SETX: variants seen among roughly 807,000 people sequenced by gnomAD.
SETX encodes senataxin.
In SETX, 90 loss-of-function variants were observed where a neutral mutation model predicts 227.2. That is an observed-to-expected ratio of 0.40 (90% confidence interval 0.33 to 0.47). The LOEUF (loss-of-function observed/expected upper bound fraction) is 0.47. SETX is among the 20% of genes least tolerant of loss of function. The pLI is 0.91. For missense variants in SETX, 3,052 were observed against 3,181.5 expected (o/e 0.96, Z 0.98); for synonymous variants, 1,210 against 1,113.2 (o/e 1.09, Z -1.73).
chr9:132,302,680 G>GAAAAAAAAAAAAAAAAAAAAAAA (rs1564510211), intron 11 of SETX, among the ~76,000 whole-genome samples: 1 of 36,176 alleles, frequency 2.8e-5, no homozygotes, highest in Non-Finnish European at 5.1e-5. Context: ...AAAAAAAAAA[G>GAAAAAAAAAAAAAAAAAAAAAAA]CAAAAAAAAA....
In SETX at chr9:132,348,146, G is replaced by A. The variant is rs142510540; in HGVS notation, c.177+1106C>T. Reference sequence around the variant, plus strand: ...GGCCGAGGTGGGCAGATCACCTGACGTCAGGAGTTTTGAGACCAGCTGGGC... The same window carrying A: ...GGCCGAGGTGGGCAGATCACCTGACATCAGGAGTTTTGAGACCAGCTGGGC... On this transcript the variant is annotated intron_variant, in intron 3 of 25. Transcript: ENST00000224140. Among the ~76,000 whole-genome samples the A allele has an allele frequency of 4.2e-3, 639 of 151,354 alleles. 6 individuals carry two copies. The highest frequency in any genetic ancestry group is 0.014 in the African/African-American group (593 of 41,318).
At chr9:132,309,785 G>T (rs1217755110) in intron 11 of SETX, among the ~76,000 whole-genome samples, 4 of 152,110 alleles carry the variant, frequency 2.6e-5, no homozygotes, top group African/African-American at 9.7e-5. Flanking sequence ...GCTAACCTTT[G>T]TTCTAGAAGG....
At chr9:132,267,135 A>C (rs6597566) in intron 25 of SETX, among the ~76,000 whole-genome samples, 1 of 152,142 alleles carries the variant, frequency 6.6e-6, no homozygotes, top group Admixed American at 6.5e-5. Context: ...TGTATATTAT[A>C]ATGAATGGTT....
chr9:132,264,342 T>C lies in SETX; in HGVS notation c.7931A>G (p.Glu2644Gly). ...GTGATGGGTCTCGGAACCACACTTC[T>C]CCTGCTCCCCTTCACTGAAAGCCCT... ...EARAFSEGEQ[E>G]KCGSETHHTR... The change falls in exon 26 of 26, where the codon GAG becomes GGG. Residue 2644 changes from glutamate (E) to glycine (G), a missense_variant. Transcript: ENST00000224140. The C allele has an allele frequency of 6.2e-7, 1 of 1,614,198 alleles. No individual in the cohort carries two copies. The highest frequency in any genetic ancestry group is 1.1e-5 in the South Asian group (1 of 91,084).
At chr9:132,269,917 G>A (rs982976686) in intron 24 of SETX, among the ~76,000 whole-genome samples, 1 of 127,174 alleles carries the variant, frequency 7.9e-6, no homozygotes, top group Non-Finnish European at 1.6e-5. Flanking sequence ...GCATCCTCAT[G>A]TGAGACACAG....
intron 11 of SETX, among the ~76,000 whole-genome samples, chr9:132,309,732 C>T (rs1359836748): frequency 6.6e-6 from 1 of 151,464 alleles, no homozygotes; most frequent in African/African-American, 2.4e-5. Context: ...TAGGGCAATA[C>T]AAAATCAATA....
intron 6 of SETX, among the ~76,000 whole-genome samples, chr9:132,335,142 G>A (rs1346612578): frequency 6.6e-6 from 1 of 152,000 alleles, no homozygotes; most frequent in South Asian, 2.1e-4. Flanking sequence ...TGTAATCCCA[G>A]CACTTTGGGA....
chr9:132,331,082 T>C lies in SETX; in HGVS notation c.1068A>G (p.Val356=), dbSNP rs972544153. The change falls in exon 9 of 26, where the codon GTA becomes GTG. Residue 356 remains valine (V), a synonymous_variant. Transcript: ENST00000224140. ...TGGTCTTTTCAGGATTATAATTGTA[T>C]ACGATCTGGCTGCAAGTCACCATAT... is the stretch of plus-strand genomic sequence containing the variant. ...LDDMVTCSQI[V]YNYNPEKTKK... is the part of the protein sequence containing the mutation. The C allele has an allele frequency of 1.2e-6, 2 of 1,613,218 alleles. No homozygotes were observed. The highest frequency in any genetic ancestry group is 1.1e-5 in the South Asian group (1 of 91,076).
At chr9:132,354,518 A>G (rs942164081) in intron 1 of SETX, among the ~76,000 whole-genome samples, 4 of 151,062 alleles carry the variant, frequency 2.6e-5, no homozygotes, top group African/African-American at 7.3e-5. Flanking sequence ...AAAAGAAAAA[A>G]GAAAAAAAAA....
At chr9:132,273,767 TC>T (rs1330818877) in intron 23 of SETX, among the ~76,000 whole-genome samples, 3 of 151,674 alleles carry the variant, frequency 2.0e-5, no homozygotes, top group African/African-American at 7.3e-5. Context: ...CTTTTTTCTT[TC>T]CAGTAAAGAT....
At chr9:132,271,688 A>G (rs748761156) in intron 24 of SETX, 22 bp downstream of exon 24, 3 of 1,577,372 alleles carry the variant, frequency 1.9e-6, no homozygotes, top group South Asian at 2.2e-5. Flanking sequence ...AGTATAAAAG[A>G]GCAACAATGA....
At position 132,264,113 on chromosome 9, in the gene SETX, A is replaced by G; in HGVS notation, c.*126T>C. 1 of 1,385,120 alleles carries G rather than the reference A, an allele frequency of 7.2e-7. No individual in the cohort carries two copies. The highest frequency in any genetic ancestry group is 1.0e-6 in the Non-Finnish European group (1 of 990,106). The allele number at this position is 1,385,120 out of a possible 1,614,324, so 85.8% of individuals were successfully genotyped here. A position where few individuals can be genotyped will look rare whatever the true frequency, so the allele number is the denominator to read the frequency against. ...CCAGAGGCTCAGGTGTTAAGGATGC[A>G]TTTTCCATGTTTTCCAACAGCACAC... is the stretch of plus-strand genomic sequence containing the variant. On this transcript the variant is annotated 3_prime_UTR_variant, in exon 26 of 26. Coordinates refer to ENST00000224140, the MANE Select transcript of SETX (RefSeq NM_015046.7).
intron 18 of SETX, among the ~76,000 whole-genome samples, chr9:132,283,639 T>C (rs1239489868): frequency 3.9e-5 from 6 of 152,162 alleles, no homozygotes; most frequent in Non-Finnish European, 7.3e-5. Context: ...CAGAATATGA[T>C]TTAAGCACAT....
intron 5 of SETX, among the ~76,000 whole-genome samples, chr9:132,337,336 A>G (rs1475353343): frequency 6.6e-6 from 1 of 152,032 alleles, no homozygotes; most frequent in Non-Finnish European, 1.5e-5. Context: ...AGGAATCTCA[A>G]AAGAAATCAA....
Position 132,296,789 on chromosome 9 carries a change from G to A in SETX, c.5949+98C>T, listed in dbSNP as rs572311870. The A allele has an allele frequency of 8.6e-5, 94 of 1,098,052 alleles. 1 individual carries two copies. In the African/African-American group the frequency reaches 1.1e-3, roughly 13 times the overall value. 68.0% of individuals were successfully genotyped at this position (1,098,052 alleles called of 1,614,324 possible). Reference sequence around the variant, plus strand: ...ATAAAAAATATATACAAATCAAAGAGGAAATGGCATGTTAATACTTATTTA... The same window carrying A: ...ATAAAAAATATATACAAATCAAAGAAGAAATGGCATGTTAATACTTATTTA... On this transcript the variant is annotated intron_variant, in intron 14 of 25. Coordinates refer to ENST00000224140, the MANE Select transcript of SETX (RefSeq NM_015046.7).
At chr9:132,311,915 GTA>G in intron 10 of SETX, 59 bp from the exon 11 acceptor site, 1 of 1,295,572 alleles carries the variant, frequency 7.7e-7, no homozygotes, top group South Asian at 1.2e-5. Flanking sequence ...ATGCTAAATA[GTA>G]ACATTTTCCA....
At chr9:132,305,492 CAT>C (rs1845282339) in intron 11 of SETX, among the ~76,000 whole-genome samples, 1 of 151,270 alleles carries the variant, frequency 6.6e-6, no homozygotes, top group African/African-American at 2.4e-5. Flanking sequence ...ACAGTGGAAA[CAT>C]GAGACGCCAC....
In SETX at chr9:132,329,435, A is replaced by G. The variant is rs757764693; in HGVS notation, c.2163T>C (p.Tyr721=). Reference sequence around the variant, plus strand: ...TTCTTGAAGTACAGTCCTTTGGTGTATATGAAGAGATCTCTTTTACAGACT... The same window carrying G: ...TTCTTGAAGTACAGTCCTTTGGTGTGTATGAAGAGATCTCTTTTACAGACT... The part of the protein sequence containing the change: ...KQKSVKEISS[Y]TPKDCTSRNG... Residue 721 remains tyrosine (Y), a synonymous_variant, in exon 10 of 26, where the codon TAT becomes TAC. Coordinates refer to ENST00000224140, the MANE Select transcript of SETX (RefSeq NM_015046.7). The G allele has an allele frequency of 1.2e-6, 2 of 1,613,524 alleles. No individual in the cohort carries two copies. Among genetic ancestry groups the G allele is most frequent in the African/African-American group, 1.3e-5 (1 of 75,054 alleles).
At chr9:132,338,915 G>A (rs1847798500) in intron 5 of SETX, among the ~76,000 whole-genome samples, 1 of 151,980 alleles carries the variant, frequency 6.6e-6, no homozygotes, top group Non-Finnish European at 1.5e-5. Context: ...GCAACGTTAT[G>A]CCAAGCTAAT....
Sources: allele counts gnomAD v4.1 joint callset (sites outside exome capture counted in the v4.1 genomes callset), GRCh38; gene constraint gnomAD v4.1.1; transcripts MANE v1.5; gene names NCBI Gene and HGNC (gene_info 2026-07-23, HGNC 2026-07-21).